SHISA9: variants seen among roughly 807,000 people sequenced by gnomAD.
The protein encoded by SHISA9 is protein shisa-9.
SHISA9 carries 13 observed loss-of-function variants against 38.0 expected under a neutral mutation model. The observed-to-expected ratio is 0.34, with a 90% CI of 0.22 to 0.54. SHISA9 has a LOEUF of 0.54. SHISA9 is among the 20% of genes least tolerant of loss of function. SHISA9 has a pLI of 0.91. For missense variants in SHISA9, 538 were observed against 575.8 expected (o/e 0.93, Z 0.67); for synonymous variants, 275 against 242.0 (o/e 1.14, Z -1.27).
intron 4 of SHISA9, among the ~76,000 whole-genome samples, chr16:13,220,278 ACTCTG>A (rs1336635892): frequency 6.6e-6 from 1 of 151,882 alleles, no homozygotes; most frequent in Non-Finnish European, 1.5e-5. Context: ...GGGTGACTTG[ACTCTG>A]CTCCATGTGC....
At chr16:13,198,524 C>A (rs575951872) in intron 2 of SHISA9, among the ~76,000 whole-genome samples, 1 of 152,240 alleles carries the variant, frequency 6.6e-6, no homozygotes, top group South Asian at 2.1e-4. Context: ...CATTTTTTCA[C>A]TCACCCTATT....
chr16:13,266,966 G>A, the SHISA9 span, among the ~76,000 whole-genome samples: 5 of 152,058 alleles, frequency 3.3e-5, no homozygotes, highest in East Asian at 1.9e-4. Context: ...TAAAGCCAAC[G>A]GCTTAAAATT....
intron 2 of SHISA9, among the ~76,000 whole-genome samples, chr16:13,062,820 G>A (rs901889364): frequency 6.6e-6 from 1 of 151,958 alleles, no homozygotes; most frequent in Non-Finnish European, 1.5e-5. Context: ...TGTTTATTCC[G>A]ATGATGGAGT....
At chr16:13,167,072 C>CT (rs11372669) in intron 2 of SHISA9, among the ~76,000 whole-genome samples, 50,643 of 124,288 alleles carry the variant, frequency 0.41, 11,310 homozygotes, top group African/African-American at 0.48. Context: ...TCTCTTTTTT[C>CT]TTTTTTTTTT....
chr16:12,944,397 A>G (rs1283158448), intron 2 of SHISA9, among the ~76,000 whole-genome samples: 9 of 152,258 alleles, frequency 5.9e-5, no homozygotes, highest in Admixed American at 5.9e-4. Context: ...CTTGACAGTC[A>G]GTCAATACAT....
At chr16:13,335,739 G>C in the SHISA9 span, among the ~76,000 whole-genome samples, 1 of 151,788 alleles carries the variant, frequency 6.6e-6, no homozygotes, top group Non-Finnish European at 1.5e-5. Context: ...GTGTCTTTGA[G>C]GGTGGCCAAG....
intron 2 of SHISA9, among the ~76,000 whole-genome samples, chr16:13,153,856 G>T (rs1166068240): frequency 6.6e-6 from 1 of 151,500 alleles, no homozygotes; most frequent in African/African-American, 2.4e-5. Flanking sequence ...TCAGAAATCA[G>T]TGTTGTGATA....
chr16:13,219,964 A>G (rs560019101), intron 4 of SHISA9, among the ~76,000 whole-genome samples: 1 of 152,246 alleles, frequency 6.6e-6, no homozygotes, highest in South Asian at 2.1e-4. Context: ...TCTCAGAAAA[A>G]GAAAAAAAGA....
chr16:13,342,300 C>G, the SHISA9 span, among the ~76,000 whole-genome samples: 2 of 151,948 alleles, frequency 1.3e-5, no homozygotes, highest in Non-Finnish European at 2.9e-5. Flanking sequence ...CAGATGCCAG[C>G]TTCCTACATT....
At chr16:13,300,038 C>T in the SHISA9 span, among the ~76,000 whole-genome samples, 1 of 152,078 alleles carries the variant, frequency 6.6e-6, no homozygotes, top group Non-Finnish European at 1.5e-5. Context: ...CCGTTCAACT[C>T]CCCCTATTTC....
the SHISA9 span, among the ~76,000 whole-genome samples, chr16:13,364,691 T>A: frequency 6.6e-6 from 1 of 152,228 alleles, no homozygotes; most frequent in African/African-American, 2.4e-5. Flanking sequence ...AGAGCCTTGA[T>A]TCCCTATGTC....
the SHISA9 span, among the ~76,000 whole-genome samples, chr16:13,295,147 T>G: frequency 1.3e-5 from 2 of 152,178 alleles, no homozygotes; most frequent in African/African-American, 4.8e-5. Flanking sequence ...ATCACCAAAT[T>G]TTTTTTAATT....
the SHISA9 span, among the ~76,000 whole-genome samples, chr16:13,476,738 G>GGT: frequency 9.2e-4 from 60 of 65,228 alleles, no homozygotes; most frequent in African/African-American, 3.0e-3. Flanking sequence ...CCTGTTTTGT[G>GGT]TTTTTTTTTT....
chr16:13,504,573 A>T, the SHISA9 span, among the ~76,000 whole-genome samples: 5 of 152,204 alleles, frequency 3.3e-5, no homozygotes, highest in African/African-American at 1.2e-4. Context: ...AAGATTATGG[A>T]AATCATCACC....
chr16:13,428,584 A>G, the SHISA9 span, among the ~76,000 whole-genome samples: 137 of 152,322 alleles, frequency 9.0e-4, no homozygotes, highest in Non-Finnish European at 1.7e-3. Flanking sequence ...TTTCATGCCC[A>G]GATGAATTCT....
intron 2 of SHISA9, among the ~76,000 whole-genome samples, chr16:12,938,766 G>C (rs1225537332): frequency 1.3e-5 from 2 of 152,080 alleles, no homozygotes; most frequent in Non-Finnish European, 2.9e-5. Context: ...GCCTCCCAAA[G>C]TGTTGGAATT....
At chr16:13,446,281 T>C in the SHISA9 span, among the ~76,000 whole-genome samples, 1 of 152,104 alleles carries the variant, frequency 6.6e-6, no homozygotes, top group South Asian at 2.1e-4. Flanking sequence ...TGTATTATTA[T>C]TATTTATATT....
At chr16:13,037,095 CA>C (rs1486521617) in intron 2 of SHISA9, among the ~76,000 whole-genome samples, 425 of 35,894 alleles carry the variant, frequency 0.012, 13 homozygotes, top group African/African-American at 0.06. Context: ...ACACCACACA[CA>C]CACACACACA....
intron 2 of SHISA9, among the ~76,000 whole-genome samples, chr16:13,009,016 G>C (rs1001304040): frequency 2.6e-5 from 4 of 151,962 alleles, no homozygotes; most frequent in Non-Finnish European, 5.9e-5. Flanking sequence ...GACTCCATAG[G>C]GGATGGAGAG....
Sources: gnomAD v4.1 joint callset for allele counts (sites outside exome capture counted in the v4.1 genomes callset) on GRCh38, gnomAD v4.1.1 for gene constraint, MANE v1.5 for transcripts, NCBI Gene and HGNC (gene_info 2026-07-23, HGNC 2026-07-21) for gene names.